Variants in DGKI observed in about 807,000 individuals in gnomAD.
DGKI encodes the protein DAG kinase iota.
Under a neutral mutation model 147.5 loss-of-function variants are expected in DGKI, and 55 were observed. That is an observed-to-expected ratio of 0.37 (90% CI 0.30 to 0.47). The LOEUF is 0.47. DGKI is among the 20% of genes least tolerant of loss of function. DGKI has a pLI of 1.00. For synonymous variants in DGKI, 469 were observed against 477.1 expected, an observed-to-expected ratio of 0.98 and a Z score of 0.22; for missense variants, 1,007 against 1,323.8, an observed-to-expected ratio of 0.76 and a Z score of 3.71.
intron 1 of DGKI, among the ~76,000 whole-genome samples, chr7:137,759,058 A>T (rs909134499): frequency 6.6e-6 from 1 of 152,104 alleles, no homozygotes; most frequent in African/African-American, 2.4e-5. Flanking sequence ...TATACTCATT[A>T]CCCAAACAGT....
intron 28 of DGKI, among the ~76,000 whole-genome samples, chr7:137,425,723 A>T (rs1482244017): frequency 6.6e-6 from 1 of 152,252 alleles, no homozygotes; most frequent in Admixed American, 6.5e-5. Flanking sequence ...TGGAGCTGAA[A>T]GCCAAGGCTT....
chr7:137,444,158 C>T, intron 27 of DGKI, 56 bp from the exon 28 acceptor site: 1 of 1,062,632 alleles, frequency 9.4e-7, no homozygotes, highest in Non-Finnish European at 1.4e-6. Context: ...TAATGATAAT[C>T]AAGAATAATT....
intron 3 of DGKI, among the ~76,000 whole-genome samples, chr7:137,664,377 C>CAAAA (rs1190186766): frequency 0.013 from 618 of 49,240 alleles, no homozygotes; most frequent in Non-Finnish European, 0.032. Context: ...GACTCCATCT[C>CAAAA]AAAAAAAAAA....
rs1819016361 is a variant in DGKI, at chr7:137,577,247, T to G, written c.1736A>C (p.Asp579Ala). ...FSDFLQRSSR[D>A]LSKHVKVVCD... ...AACAACTTTAACATGTTTGGATAGA[T>G]CTCTAGAACTTCTCTGTAGGAAGTC... Residue 579 changes from aspartate (D) to alanine (A), a missense_variant, in exon 17 of 33, where the codon GAT (aspartate) becomes GCT (alanine). By Grantham distance (126) the Asp-to-Ala change is moderately radical. This residue lies in a region of DGKI where 224 missense variants were observed against 382.7 expected (regional missense o/e 0.59). Coordinates refer to ENST00000614521, the MANE Select transcript of DGKI (RefSeq NM_001321708.2). The G allele has an allele frequency of 6.3e-7, 1 of 1,599,886 alleles. No individual in the cohort carries two copies. Among genetic ancestry groups the G allele is most frequent in the African/African-American group, 1.3e-5 (1 of 74,696 alleles).
chr7:137,728,097 A>G (rs978843162), intron 1 of DGKI, among the ~76,000 whole-genome samples: 1 of 152,234 alleles, frequency 6.6e-6, no homozygotes, highest in Non-Finnish European at 1.5e-5. Context: ...TTATTCTTGA[A>G]CATGGTTTTC....
Position 137,504,334 on chromosome 7 carries a change from A to G in DGKI, c.2249-16645T>C, listed in dbSNP as rs139998856. Among the ~76,000 whole-genome samples, 1,076 of 152,350 alleles carry G rather than the reference A, an allele frequency of 7.1e-3. 14 individuals carry two copies. Among genetic ancestry groups the G allele is most frequent in the African/African-American group, 0.024 (1,016 of 41,582 alleles). On this transcript the variant is annotated intron_variant, in intron 21 of 32. Coordinates refer to ENST00000614521, the MANE Select transcript of DGKI (RefSeq NM_001321708.2). The stretch of plus-strand genomic sequence containing the variant: ...TGCAGCCATATGAAGCCATTGACCT[A>G]TTCAAAGCACAAACAAACTATCTTC...
In DGKI at chr7:137,585,386, G is replaced by C. The variant is rs1337232282; in HGVS notation, c.1426-40C>G. ...AACATATCCATTGCTGTCCAGAGTG[G>C]AGAACAGTGAAGCCAATGCTATTTT... On this transcript the variant is annotated intron_variant, in intron 13 of 32. Transcript: ENST00000614521. 4 of 1,594,364 alleles carry C rather than the reference G, an allele frequency of 2.5e-6. No homozygotes were observed. The African/African-American group carries it at 5.4e-5, about 22-fold the overall frequency.
intron 28 of DGKI, among the ~76,000 whole-genome samples, chr7:137,412,813 T>C (rs1812212219): frequency 2.0e-5 from 3 of 152,206 alleles, no homozygotes; most frequent in Non-Finnish European, 2.9e-5. Context: ...AATTGTGTGC[T>C]TGAGAAAACA....
chr7:137,697,999 C>CAGATAGATAGCTAT (rs1325781196), intron 1 of DGKI, among the ~76,000 whole-genome samples: 2 of 150,494 alleles, frequency 1.3e-5, no homozygotes, highest in Non-Finnish European at 3.0e-5. Context: ...TCCAGATCTC[C>CAGATAGATAGCTAT]AGATAGATAG....
intron 1 of DGKI, among the ~76,000 whole-genome samples, chr7:137,762,032 C>T (rs3778811): frequency 0.37 from 56,894 of 152,070 alleles, 11,444 homozygotes; most frequent in African/African-American, 0.53. Flanking sequence ...AAGCCAACAG[C>T]TGTCTACTAT....
intron 32 of DGKI, 42 bp from the exon 33 acceptor site, chr7:137,391,378 T>C (rs201804810): frequency 1.5e-6 from 2 of 1,314,650 alleles, no homozygotes; most frequent in Admixed American, 2.4e-5. Context: ...GAGAGAGAGA[T>C]AGACACAAGC....
At chr7:137,640,636 G>A (rs983510144) in intron 6 of DGKI, among the ~76,000 whole-genome samples, 2 of 152,110 alleles carry the variant, frequency 1.3e-5, no homozygotes, top group African/African-American at 4.8e-5. Context: ...AAGTTGATAA[G>A]GGGACATTCC....
intron 20 of DGKI, among the ~76,000 whole-genome samples, chr7:137,539,998 T>C (rs1169499053): frequency 3.3e-5 from 5 of 152,184 alleles, no homozygotes; most frequent in African/African-American, 4.8e-5. Flanking sequence ...AATGGACCAA[T>C]TCCTCAAATA....
At chr7:137,666,102 A>T (rs911726000) in intron 3 of DGKI, among the ~76,000 whole-genome samples, 1 of 152,260 alleles carries the variant, frequency 6.6e-6, no homozygotes, top group African/African-American at 2.4e-5. Context: ...TAAGGGAGGA[A>T]AAAGGTACAT....
intron 27 of DGKI, among the ~76,000 whole-genome samples, 167 bp from the exon 28 acceptor site, chr7:137,444,269 C>A (rs1813625735): frequency 6.6e-6 from 1 of 152,088 alleles, no homozygotes; most frequent in African/African-American, 2.4e-5. Flanking sequence ...TCAACAATTC[C>A]CAACTCTTAC....
chr7:137,444,899 A>G (rs1422608107), intron 27 of DGKI, among the ~76,000 whole-genome samples: 1 of 152,160 alleles, frequency 6.6e-6, no homozygotes, highest in African/African-American at 2.4e-5. Context: ...TTCTTTTCTG[A>G]GGAGAAAGAG....
intron 28 of DGKI, among the ~76,000 whole-genome samples, chr7:137,420,481 G>T (rs1812522954): frequency 6.6e-6 from 1 of 152,106 alleles, no homozygotes; most frequent in African/African-American, 2.4e-5. Flanking sequence ...TGGGAAAGGG[G>T]TATAATCAAC....
At chr7:137,588,822 T>A (rs1819508458) in intron 12 of DGKI, among the ~76,000 whole-genome samples, 1 of 152,166 alleles carries the variant, frequency 6.6e-6, no homozygotes, top group South Asian at 2.1e-4. Flanking sequence ...AGTCCTTTAA[T>A]GAATTATTGT....
intron 1 of DGKI, among the ~76,000 whole-genome samples, chr7:137,810,334 A>G (rs1324524507): frequency 6.6e-6 from 1 of 152,220 alleles, no homozygotes; most frequent in East Asian, 1.9e-4. Context: ...CAGGCAAAAC[A>G]TTAATGGCTG....
Sources: gnomAD v4.1 joint callset for allele counts (sites outside exome capture counted in the v4.1 genomes callset) on GRCh38, gnomAD v4.1.1 for gene constraint, gnomAD v4.1.1 regional missense constraint, MANE v1.5 for transcripts, NCBI Gene and HGNC (gene_info 2026-07-23, HGNC 2026-07-21) for gene names.